Variants in FBXO36 observed in about 807,000 individuals in gnomAD.
The protein encoded by FBXO36 is F-box only protein 36.
Under a neutral mutation model 17.0 loss-of-function variants are expected in FBXO36, and 18 were observed. The observed-to-expected ratio is 1.06, with a 90% confidence interval of 0.73 to 1.57. The LOEUF is 1.57. FBXO36 is among the 40% of genes most tolerant of loss of function. The pLI is 0.00. For synonymous variants in FBXO36, 83 were observed against 85.3 expected (o/e 0.97, Z 0.15); for missense variants, 229 against 221.9 (o/e 1.03, Z -0.20).
intron 1 of FBXO36, chr2:229,939,236 T>C (rs192184769): frequency 2.0e-6 from 2 of 985,206 alleles, no homozygotes; most frequent in East Asian, 2.3e-4. Flanking sequence ...TACAACTTTC[T>C]ACCTCGTAAT....
At position 229,922,702 on chromosome 2, in the gene FBXO36, G is replaced by A. The variant is rs2076778458; in HGVS notation, c.96+93G>A. On this transcript the variant is annotated intron_variant, in intron 1 of 3. Coordinates refer to ENST00000283946, the MANE Select transcript of FBXO36 (RefSeq NM_174899.5). Reference sequence around the variant, plus strand: ...AGGCTGTGCTAGGCCAAGAGCAACCGTAGCCCGCCGGAAGCGCCCAGTCCC... The same window carrying A: ...AGGCTGTGCTAGGCCAAGAGCAACCATAGCCCGCCGGAAGCGCCCAGTCCC... 6.7e-6 allele frequency: 9 copies of A among 1,338,900 alleles called. No homozygotes were observed. The East Asian group carries it at 1.8e-4, about 26-fold the overall frequency. 82.9% of individuals were successfully genotyped at this position (1,338,900 alleles called of 1,614,324 possible). A position where few individuals can be genotyped will look rare whatever the true frequency, so the allele number is the denominator to read the frequency against.
intron 2 of FBXO36, among the ~76,000 whole-genome samples, chr2:229,987,572 G>A (rs1482291917): frequency 6.6e-6 from 1 of 151,926 alleles, no homozygotes; most frequent in Non-Finnish European, 1.5e-5. Flanking sequence ...AGTCTGGTTT[G>A]TTGTTCTTTT....
Position 230,010,800 on chromosome 2 carries a change from G to C in FBXO36, c.483G>C (p.Leu161=). ...CGGAGGACACAGGCTGGAGACAGCT[G>C]TTCTTCACCAACAAGCTCCAGCTCC... ...ALAEDTGWRQ[L]FFTNKLQLQR... The change falls in exon 4 of 4, where the codon CTG becomes CTC. Residue 161 remains leucine, a synonymous_variant. Coordinates refer to ENST00000283946, the MANE Select transcript of FBXO36 (RefSeq NM_174899.5). 5.0e-6 allele frequency: 8 copies of C among 1,613,970 alleles called. No homozygotes were observed. The highest frequency in any genetic ancestry group is 6.8e-6 in the Non-Finnish European group (8 of 1,179,852).
intron 2 of FBXO36, among the ~76,000 whole-genome samples, chr2:229,996,443 C>A (rs1010005726): frequency 2.0e-5 from 3 of 151,998 alleles, no homozygotes; most frequent in African/African-American, 7.2e-5. Flanking sequence ...AATGCCAAGA[C>A]CAATTACGTT....
chr2:229,966,053 T>G (rs2077150695), intron 1 of FBXO36, among the ~76,000 whole-genome samples: 1 of 152,218 alleles, frequency 6.6e-6, no homozygotes, highest in African/African-American at 2.4e-5. Flanking sequence ...GTTTCCTGAC[T>G]TTTTAATGAT....
intron 2 of FBXO36, among the ~76,000 whole-genome samples, chr2:229,995,566 CTTT>C (rs1349287872): frequency 1.2e-5 from 1 of 82,840 alleles, no homozygotes; most frequent in African/African-American, 3.3e-5. Flanking sequence ...TCCTTCCTTT[CTTT>C]CTTTCTTTCT....
intron 1 of FBXO36, among the ~76,000 whole-genome samples, chr2:229,960,827 G>C (rs2077116775): frequency 6.6e-6 from 1 of 152,074 alleles, no homozygotes; most frequent in Non-Finnish European, 1.5e-5. Context: ...ATTCCTTTTA[G>C]GCTGGGCGCA....
Position 230,010,994 on chromosome 2 carries a change from G to A in FBXO36, c.*110G>A. 1 of 1,179,478 alleles carries A rather than the reference G, an allele frequency of 8.5e-7. No individual in the cohort carries two copies. Among genetic ancestry groups the A allele is most frequent in the Non-Finnish European group, 1.2e-6 (1 of 856,680 alleles). The allele number at this position is 1,179,478 out of a possible 1,614,324, so 73.1% of individuals were successfully genotyped here. A position where few individuals can be genotyped will look rare whatever the true frequency, so the allele number is the denominator to read the frequency against. The stretch of plus-strand genomic sequence containing the variant: ...GAACTAAGAGGTTTTGTTGATGCGT[G>A]GAGCCATTTGAAACTCGTAGGGGAT... On this transcript the variant is annotated 3_prime_UTR_variant, in exon 4 of 4. Transcript: ENST00000283946.
intron 1 of FBXO36, among the ~76,000 whole-genome samples, chr2:229,946,972 G>A (rs1263924676): frequency 6.6e-6 from 1 of 152,136 alleles, no homozygotes; most frequent in Non-Finnish European, 1.5e-5. Context: ...TTCCAGACCA[G>A]CCTGGCCAAC....
At chr2:229,944,645 T>G (rs1305182025) in intron 1 of FBXO36, among the ~76,000 whole-genome samples, 1 of 145,622 alleles carries the variant, frequency 6.9e-6, no homozygotes, top group Non-Finnish European at 1.5e-5. Flanking sequence ...CAGGCTGGAG[T>G]GTGGTGGCGC....
intron 1 of FBXO36, among the ~76,000 whole-genome samples, chr2:229,946,714 C>T (rs1266844638): frequency 1.3e-5 from 2 of 152,188 alleles, no homozygotes; most frequent in South Asian, 2.1e-4. Context: ...AAATTAGCCT[C>T]TTCTAATGTA....
chr2:229,963,000 A>G (rs1045254775), intron 1 of FBXO36, among the ~76,000 whole-genome samples: 4 of 151,180 alleles, frequency 2.6e-5, no homozygotes, highest in Non-Finnish European at 5.9e-5. Flanking sequence ...TTAGGGTAGC[A>G]CATAACTGAG....
intron 1 of FBXO36, among the ~76,000 whole-genome samples, chr2:229,931,800 T>C (rs1365693756): frequency 6.6e-6 from 1 of 152,092 alleles, no homozygotes; most frequent in African/African-American, 2.4e-5. Flanking sequence ...GATCGTGCCA[T>C]TGCACTCTGG....
chr2:229,922,882 C>G (rs190804056), intron 1 of FBXO36, among the ~76,000 whole-genome samples: 201 of 152,310 alleles, frequency 1.3e-3, no homozygotes, highest in African/African-American at 3.8e-3. Flanking sequence ...GGCTTCTTAC[C>G]CGTAGAGTTT....
At chr2:230,010,644 A>G in intron 3 of FBXO36, 52 bp from the exon 4 acceptor site, 1 of 1,500,114 alleles carries the variant, frequency 6.7e-7, no homozygotes, top group Non-Finnish European at 9.0e-7. Flanking sequence ...GAGTTTGATA[A>G]TGAGTTAACA....
intron 2 of FBXO36, among the ~76,000 whole-genome samples, chr2:229,986,727 G>C (rs1241735918): frequency 6.6e-6 from 1 of 150,924 alleles, no homozygotes. Flanking sequence ...TAGAGACGAG[G>C]TTTCACCATG....
intron 3 of FBXO36, among the ~76,000 whole-genome samples, chr2:230,002,938 C>A (rs577148435): frequency 6.6e-6 from 1 of 152,042 alleles, no homozygotes; most frequent in Non-Finnish European, 1.5e-5. Flanking sequence ...TTGAAATATT[C>A]CTTCTTGGCT....
chr2:229,940,779 G>A (rs1415952520), intron 1 of FBXO36, among the ~76,000 whole-genome samples: 1 of 152,150 alleles, frequency 6.6e-6, no homozygotes, highest in Non-Finnish European at 1.5e-5. Flanking sequence ...CCTTCAGAAG[G>A]AAGGAGCATG....
chr2:229,965,280 A>C (rs1313889117), intron 1 of FBXO36, among the ~76,000 whole-genome samples: 5 of 150,644 alleles, frequency 3.3e-5, no homozygotes. Flanking sequence ...CACCTCGCCT[A>C]TATGCTGATC....
Sources: allele counts gnomAD v4.1 joint callset (sites outside exome capture counted in the v4.1 genomes callset), GRCh38; gene constraint gnomAD v4.1.1; transcripts MANE v1.5; gene names NCBI Gene and HGNC (gene_info 2026-07-23, HGNC 2026-07-21).